Variants in EFHC2 observed in about 807,000 individuals in gnomAD.
EFHC2 encodes the protein EF-hand domain-containing family member C2.
In EFHC2, 18 loss-of-function variants were observed where a neutral mutation model predicts 52.7. The ratio of observed to expected loss-of-function variants is 0.34; its 90% confidence interval spans 0.24 to 0.51. The LOEUF is 0.51. EFHC2 is among the 20% of genes least tolerant of loss of function. The pLI is 0.97. For synonymous variants in EFHC2, 203 were observed against 204.1 expected (o/e 0.99, Z 0.04); for missense variants, 513 against 562.5 (o/e 0.91, Z 0.89).
At chrX:44,253,713 G>A (rs2037470997) in intron 4 of EFHC2, among the ~76,000 whole-genome samples, 1 of 112,089 alleles carries the variant, frequency 8.9e-6, no homozygotes. Context: ...AGACTTAAAC[G>A]TTCCTCCTGC....
intron 2 of EFHC2, chrX:44,310,032 A>C: frequency 1.1e-6 from 1 of 933,916 alleles, no homozygotes; most frequent in Non-Finnish European, 1.6e-6. Context: ...TATTTGGCTA[A>C]ATCGCTCCAC....
chrX:44,186,576 T>C (rs1204256043), intron 11 of EFHC2, among the ~76,000 whole-genome samples: 1 of 111,509 alleles, frequency 9.0e-6, no homozygotes, highest in Non-Finnish European at 1.9e-5. Flanking sequence ...GTCTCTCACT[T>C]GGTTCCCGAT....
chrX:44,220,006 G>A, intron 11 of EFHC2, among the ~76,000 whole-genome samples: 1 of 111,145 alleles, frequency 9.0e-6, no homozygotes, highest in South Asian at 3.8e-4. Flanking sequence ...TATTTGTTTG[G>A]GTTTTATTTT....
At chrX:44,294,026 A>G (rs1944240051) in intron 2 of EFHC2, among the ~76,000 whole-genome samples, 1 of 112,022 alleles carries the variant, frequency 8.9e-6, no homozygotes, top group African/African-American at 3.2e-5. Context: ...CCATTTTATT[A>G]CACTTTGTAG....
At chrX:44,330,810 G>A (rs1327891894) in intron 1 of EFHC2, among the ~76,000 whole-genome samples, 1 of 111,969 alleles carries the variant, frequency 8.9e-6, no homozygotes, top group Non-Finnish European at 1.9e-5. Context: ...AACCATCAGA[G>A]AAATGCCAAT....
intron 1 of EFHC2, among the ~76,000 whole-genome samples, chrX:44,342,418 C>T (rs1366328635): frequency 8.9e-6 from 1 of 112,341 alleles, no homozygotes; most frequent in African/African-American, 3.2e-5. Flanking sequence ...CTCCTGCAGA[C>T]ACAGATGGCT....
At chrX:44,314,618 TCA>T (rs1364401361) in intron 1 of EFHC2, among the ~76,000 whole-genome samples, 1 of 111,126 alleles carries the variant, frequency 9.0e-6, no homozygotes, top group Non-Finnish European at 1.9e-5. Flanking sequence ...TCTCTCTCTC[TCA>T]CACATACACA....
chrX:44,337,467 T>C (rs1026709329), intron 1 of EFHC2, among the ~76,000 whole-genome samples: 2 of 111,898 alleles, frequency 1.8e-5, no homozygotes, highest in Non-Finnish European at 3.8e-5. Flanking sequence ...TGAAGTTTCC[T>C]CTTCTACATT....
At chrX:44,177,034 A>G (rs1602135986) in intron 12 of EFHC2, among the ~76,000 whole-genome samples, 1 of 112,379 alleles carries the variant, frequency 8.9e-6, no homozygotes, top group East Asian at 2.8e-4. Flanking sequence ...TTTCTTTGCA[A>G]TGAGAATGTT....
intron 13 of EFHC2, among the ~76,000 whole-genome samples, chrX:44,165,147 T>C (rs1029655803): frequency 8.9e-6 from 1 of 111,817 alleles, no homozygotes; most frequent in African/African-American, 3.2e-5. Flanking sequence ...CCTTAAAATA[T>C]ACTCCTAATC....
chrX:44,175,503 CTCT>C (rs767687584), intron 13 of EFHC2, among the ~76,000 whole-genome samples: 57 of 111,842 alleles, frequency 5.1e-4, no homozygotes, highest in Non-Finnish European at 9.4e-4. Context: ...CAAATCAGAG[CTCT>C]TCTTCTTCTA....
At chrX:44,332,314 C>T (rs974245073) in intron 1 of EFHC2, among the ~76,000 whole-genome samples, 1 of 110,952 alleles carries the variant, frequency 9.0e-6, no homozygotes, top group Non-Finnish European at 1.9e-5. Context: ...ATGCAATTGA[C>T]CTAAACTTCC....
At chrX:44,314,625 TAC>T (rs775962900) in intron 1 of EFHC2, among the ~76,000 whole-genome samples, 31 of 110,146 alleles carry the variant, frequency 2.8e-4, no homozygotes, top group African/African-American at 8.9e-4. Flanking sequence ...CTCTCACACA[TAC>T]ACACACACAC....
intron 1 of EFHC2, among the ~76,000 whole-genome samples, chrX:44,337,004 A>G (rs982776522): frequency 5.4e-5 from 6 of 111,954 alleles, no homozygotes; most frequent in African/African-American, 1.9e-4. Flanking sequence ...ATGCTTTGTC[A>G]TATAGTTTTA....
At chrX:44,163,289 G>C (rs1177904783) in intron 14 of EFHC2, among the ~76,000 whole-genome samples, 2 of 111,924 alleles carry the variant, frequency 1.8e-5, no homozygotes, top group Non-Finnish European at 3.8e-5. Flanking sequence ...TCAATTTCTG[G>C]AGCATGTTAA....
intron 2 of EFHC2, among the ~76,000 whole-genome samples, chrX:44,273,754 C>G: frequency 8.9e-6 from 1 of 112,006 alleles, no homozygotes; most frequent in Non-Finnish European, 1.9e-5. Flanking sequence ...GCTACCATTT[C>G]AAGCTTGACC....
At chrX:44,283,675 CTTTTTT>C (rs35434534) in intron 2 of EFHC2, among the ~76,000 whole-genome samples, 3 of 42,593 alleles carry the variant, frequency 7.0e-5, no homozygotes, top group East Asian at 5.2e-4. Context: ...ACGGAAGTAC[CTTTTTT>C]TTTTTTTTTT....
intron 1 of EFHC2, among the ~76,000 whole-genome samples, chrX:44,323,565 T>G (rs2038035147): frequency 9.4e-6 from 1 of 105,933 alleles, no homozygotes; most frequent in African/African-American, 3.5e-5. Flanking sequence ...TTTCCTATAG[T>G]AGTGGGACAT....
chrX:44,183,140 T>A (rs145346257), intron 11 of EFHC2, among the ~76,000 whole-genome samples: 1 of 111,791 alleles, frequency 8.9e-6, no homozygotes, highest in East Asian at 2.8e-4. Flanking sequence ...AAAAAATTAG[T>A]TTTAGCATAA....
Sources: gnomAD v4.1 joint callset for allele counts (sites outside exome capture counted in the v4.1 genomes callset) on GRCh38, gnomAD v4.1.1 for gene constraint, MANE v1.5 for transcripts, NCBI Gene and HGNC (gene_info 2026-07-23, HGNC 2026-07-21) for gene names.